The following KAZN variants were observed in gnomAD, a reference collection of about 807,000 sequenced individuals.
KAZN encodes the protein kazrin, periplakin interacting protein.
In KAZN, 40 loss-of-function variants were observed where a neutral mutation model predicts 87.4. The observed-to-expected ratio is 0.46, with a 90% CI of 0.36 to 0.60. KAZN has a LOEUF of 0.60. Ranked by LOEUF, KAZN falls within the 20% of genes least tolerant of loss-of-function variation. KAZN has a pLI of 0.00. For synonymous variants in KAZN, 466 were observed against 458.3 expected (o/e 1.02, Z -0.22); for missense variants, 898 against 1,073.9 (o/e 0.84, Z 2.29).
intron 2 of KAZN, among the ~76,000 whole-genome samples, chr1:14,224,622 T>A (rs946344544): frequency 2.0e-5 from 3 of 152,090 alleles, no homozygotes; most frequent in Non-Finnish European, 4.4e-5. Flanking sequence ...GCCTCCTTAG[T>A]TTGAAAGAAG....
intron 1 of KAZN, among the ~76,000 whole-genome samples, chr1:14,814,222 TTTA>T (rs145280746): frequency 0.08 from 12,148 of 152,092 alleles, 512 homozygotes; most frequent in Admixed American, 0.11. Context: ...CTGGATCTTT[TTTA>T]TTATTATTAT....
At chr1:14,572,646 A>C (rs1674941556) in intron 2 of KAZN, among the ~76,000 whole-genome samples, 1 of 152,080 alleles carries the variant, frequency 6.6e-6, no homozygotes, top group African/African-American at 2.4e-5. Flanking sequence ...TGTCGCATTG[A>C]GCCTATTCCT....
At chr1:14,570,332 A>G (rs1392793208) in intron 2 of KAZN, among the ~76,000 whole-genome samples, 2 of 152,122 alleles carry the variant, frequency 1.3e-5, no homozygotes, top group African/African-American at 4.8e-5. Context: ...GTCATCACTC[A>G]CTAATTTCAG....
intron 1 of KAZN, among the ~76,000 whole-genome samples, chr1:13,910,641 A>G (rs1334577134): frequency 6.6e-6 from 1 of 152,108 alleles, no homozygotes; most frequent in East Asian, 2.0e-4. Flanking sequence ...GGATGCTAGC[A>G]TCATGCTTCC....
Position 14,872,960 on chromosome 1 carries a change from A to ATGGG in KAZN, c.227-87721_227-87720insGTGG, listed in dbSNP as rs1294243471. Among the ~76,000 whole-genome samples the ATGGG allele has an allele frequency of 2.2e-4, 34 of 151,402 alleles. No individual in the cohort carries two copies. The East Asian group carries it at 6.2e-3, about 28-fold the overall frequency. Reference sequence around the variant, plus strand: ...GATAGATGGATGGATGGATGGATGGATGGATGGAAAGATGAGTAGAAGAAC... The same window carrying ATGGG: ...GATAGATGGATGGATGGATGGATGGATGGGTGGATGGAAAGATGAGTAGAAGAAC... On this transcript the variant is annotated intron_variant, in intron 1 of 14. Coordinates refer to ENST00000376030, the MANE Select transcript of KAZN (RefSeq NM_201628.3).
At chr1:14,520,019 G>A (rs562070433) in intron 2 of KAZN, among the ~76,000 whole-genome samples, 11 of 152,162 alleles carry the variant, frequency 7.2e-5, no homozygotes, top group Non-Finnish European at 1.5e-4. Context: ...TCGTGCCATA[G>A]GTGGTGGCAA....
At chr1:14,789,534 C>T (rs563339904) in intron 1 of KAZN, among the ~76,000 whole-genome samples, 8 of 152,182 alleles carry the variant, frequency 5.3e-5, no homozygotes, top group East Asian at 1.9e-4. Flanking sequence ...GGGACACCCA[C>T]CAGTCGGGAC....
intron 1 of KAZN, among the ~76,000 whole-genome samples, chr1:14,119,416 G>A (rs943105304): frequency 1.9e-4 from 29 of 152,216 alleles, no homozygotes; most frequent in Non-Finnish European, 2.1e-4. Flanking sequence ...GGCAGCAAGG[G>A]TTTGCAGCTG....
intron 2 of KAZN, among the ~76,000 whole-genome samples, chr1:14,231,744 G>A (rs1452603252): frequency 1.3e-5 from 2 of 152,210 alleles, no homozygotes; most frequent in South Asian, 2.1e-4. Flanking sequence ...ACCTGAATGA[G>A]TTAGGGTAAT....
intron 1 of KAZN, among the ~76,000 whole-genome samples, chr1:14,730,615 C>T (rs1010136936): frequency 6.6e-6 from 1 of 152,102 alleles, no homozygotes; most frequent in African/African-American, 2.4e-5. Context: ...GAGTCTGAAG[C>T]CAGGGTACCC....
At chr1:14,818,106 G>A (rs1326302994) in intron 1 of KAZN, among the ~76,000 whole-genome samples, 3 of 152,130 alleles carry the variant, frequency 2.0e-5, no homozygotes, top group East Asian at 3.8e-4. Context: ...TTATTCCCCC[G>A]CCCCACAGCC....
chr1:14,606,145 G>T (rs1361427428), intron 1 of KAZN, among the ~76,000 whole-genome samples: 1 of 152,178 alleles, frequency 6.6e-6, no homozygotes, highest in Non-Finnish European at 1.5e-5. Flanking sequence ...TGACATCCAG[G>T]ATCACTCAAC....
intron 1 of KAZN, among the ~76,000 whole-genome samples, chr1:14,826,296 C>G (rs114456748): frequency 3.9e-4 from 59 of 152,330 alleles, no homozygotes; most frequent in Non-Finnish European, 7.1e-4. Context: ...TGCGGATGTT[C>G]GTAAAAGGCA....
At chr1:14,028,017 G>A (rs1641155052) in intron 1 of KAZN, among the ~76,000 whole-genome samples, 1 of 152,176 alleles carries the variant, frequency 6.6e-6, no homozygotes, top group African/African-American at 2.4e-5. Context: ...CTCCAAAAGA[G>A]ATTATGTTCC....
At chr1:15,085,129 A>T (rs1640186989) in intron 8 of KAZN, among the ~76,000 whole-genome samples, 2 of 152,210 alleles carry the variant, frequency 1.3e-5, no homozygotes. Flanking sequence ...AGATAATTTT[A>T]AAAATGGAAA....
At position 14,105,189 on chromosome 1, in the gene KAZN, C is replaced by T. The variant is rs111912252; in HGVS notation, c.92-75246C>T. On this transcript the variant is annotated intron_variant, in intron 1 of 16. Coordinates refer to the KAZN transcript ENST00000636203. Reference sequence around the variant, plus strand: ...GAGAGAAGGACATAATTCAAATAGTCGCATGAATAAGTGCATAGTTATAGA... The same window carrying T: ...GAGAGAAGGACATAATTCAAATAGTTGCATGAATAAGTGCATAGTTATAGA... Among the ~76,000 whole-genome samples, 378 of 152,242 alleles carry T rather than the reference C, an allele frequency of 2.5e-3. 4 individuals are homozygous for T. Among genetic ancestry groups the T allele is most frequent in the African/African-American group, 8.9e-3 (369 of 41,530 alleles).
At chr1:13,951,074 A>G (rs1641327785) in intron 1 of KAZN, among the ~76,000 whole-genome samples, 1 of 152,052 alleles carries the variant, frequency 6.6e-6, no homozygotes, top group Admixed American at 6.5e-5. Context: ...CCAGCCCTGT[A>G]TTAAGGATTT....
At chr1:14,084,891 CGT>C (rs946469426) in intron 1 of KAZN, among the ~76,000 whole-genome samples, 4 of 151,784 alleles carry the variant, frequency 2.6e-5, no homozygotes, top group African/African-American at 7.3e-5. Context: ...AAAAAAAGTA[CGT>C]GTGTGTGTAT....
intron 2 of KAZN, among the ~76,000 whole-genome samples, chr1:14,288,534 T>C (rs1361367163): frequency 2.0e-5 from 3 of 152,234 alleles, no homozygotes; most frequent in Non-Finnish European, 4.4e-5. Context: ...ATCCCCTTTG[T>C]CATTTTTTGT....
Sources: allele counts gnomAD v4.1 joint callset (sites outside exome capture counted in the v4.1 genomes callset), GRCh38; gene constraint gnomAD v4.1.1; transcripts MANE v1.5; gene names NCBI Gene and HGNC (gene_info 2026-07-23, HGNC 2026-07-21).